The following STEAP3 variants were observed in gnomAD, a reference collection of about 807,000 sequenced individuals.
STEAP3 encodes metalloreductase STEAP3.
STEAP3 carries 35 observed loss-of-function variants against 34.9 expected under a neutral mutation model. That is an observed-to-expected ratio of 1.00 (90% confidence interval 0.76 to 1.33). STEAP3 has a LOEUF of 1.33. Ranked by LOEUF, STEAP3 falls within the 40% of genes most tolerant of loss-of-function variation. The probability of loss-of-function intolerance (pLI) is 0.00; values close to 1 mark genes in which losing one functional copy is unlikely to be tolerated. For missense variants in STEAP3, 652 were observed against 667.6 expected, an observed-to-expected ratio of 0.98 and a Z score of 0.26; for synonymous variants, 281 against 301.6, an observed-to-expected ratio of 0.93 and a Z score of 0.71.
intron 5 of STEAP3, 83 bp downstream of exon 5, chr2:119,254,931 T>C (rs1677734420): frequency 1.3e-6 from 2 of 1,504,246 alleles, no homozygotes; most frequent in African/African-American, 2.8e-5. Flanking sequence ...CTTTGAGAAC[T>C]GCCTGGGCTC....
chr2:119,235,164 G>A (rs902965535), intron 2 of STEAP3, among the ~76,000 whole-genome samples: 2 of 152,188 alleles, frequency 1.3e-5, no homozygotes, highest in African/African-American at 4.8e-5. Flanking sequence ...CCCACATGTA[G>A]CCAGGGAGTG....
intron 2 of STEAP3, among the ~76,000 whole-genome samples, chr2:119,231,550 A>C (rs1309270269): frequency 1.3e-5 from 2 of 152,162 alleles, no homozygotes; most frequent in Non-Finnish European, 2.9e-5. Flanking sequence ...AGCTGTTTGT[A>C]AAAAGCTCTC....
Position 119,229,764 on chromosome 2 carries a change from A to G in STEAP3, c.-393-856A>G, listed in dbSNP as rs569656667. ...GGAAGGGGGATTGGGATGGGCCAGGAGGTTGTCAAGATTGGAGATGGAAAG... is the reference window on the plus strand; with the variant it reads ...GGAAGGGGGATTGGGATGGGCCAGGGGGTTGTCAAGATTGGAGATGGAAAG... On this transcript the variant is annotated intron_variant, in intron 1 of 5. Coordinates refer to ENST00000393110, the MANE Select transcript of STEAP3 (RefSeq NM_182915.3). 6.7e-5 allele frequency among the ~76,000 whole-genome samples: 10 copies of G among 150,222 alleles called. No individual in the cohort carries two copies. The East Asian group carries it at 1.6e-3, about 24-fold the overall frequency.
At chr2:119,256,887 G>C (rs1383413488) in intron 5 of STEAP3, among the ~76,000 whole-genome samples, 1 of 152,142 alleles carries the variant, frequency 6.6e-6, no homozygotes, top group Non-Finnish European at 1.5e-5. Context: ...GCCTTACAGG[G>C]ATTTTATGAG....
chr2:119,225,815 T>G (rs1679022419), intron 1 of STEAP3, among the ~76,000 whole-genome samples: 1 of 152,244 alleles, frequency 6.6e-6, no homozygotes, highest in Non-Finnish European at 1.5e-5. Context: ...TCTCTGAACC[T>G]CTGTTTATTT....
At chr2:119,254,947 A>G (rs1270712181) in intron 5 of STEAP3, 99 bp downstream of exon 5, 18 of 1,436,704 alleles carry the variant, frequency 1.3e-5, no homozygotes, top group Non-Finnish European at 1.4e-5. Flanking sequence ...GGCTCTGATC[A>G]TCTGCACAGC....
chr2:119,254,981 G>T, intron 5 of STEAP3, 133 bp downstream of exon 5: 1 of 1,189,756 alleles, frequency 8.4e-7, no homozygotes, highest in Non-Finnish European at 1.2e-6. Context: ...GAGATGCCAG[G>T]CCTTCCTGAC....
rs550684478 is a variant in STEAP3 at position 119,230,778 on chromosome 2, T to C, written c.-235T>C. ...AGAGCTGCGCTCTCTCAGTGCACTC[T>C]CCAACCAAGCATCAGTCACCACTCC... On this transcript the variant is annotated 5_prime_UTR_variant, in exon 2 of 6. Transcript: ENST00000393110. 1.8e-5 allele frequency: 11 copies of C among 612,806 alleles called. No individual in the cohort carries two copies. The African/African-American group carries it at 2.0e-4, about 11-fold the overall frequency. The allele number at this position is 612,806 out of a possible 1,614,324, so 38.0% of individuals were successfully genotyped here. A position where few individuals can be genotyped will look rare whatever the true frequency, so the allele number is the denominator to read the frequency against.
At position 119,237,819 on chromosome 2, in the gene STEAP3, GAGGATCACTCCC is replaced by G. The variant is rs58884392; in HGVS notation, c.22+6786_22+6797del. ...ATGGTGAGTTGCATGGTGTACCCGT[GAGGATCACTCCC>G]CATTTTCTCCAAATCCCCCATTCTG... On this transcript the variant is annotated intron_variant, in intron 2 of 5. Coordinates refer to ENST00000393110, the MANE Select transcript of STEAP3 (RefSeq NM_182915.3). 7.6e-3 allele frequency among the ~76,000 whole-genome samples: 1,159 copies of G among 152,284 alleles called. 14 individuals carry two copies. Among genetic ancestry groups the G allele is most frequent in the African/African-American group, 0.026 (1,092 of 41,548 alleles).
chr2:119,243,058 G>A (rs1677297712), intron 2 of STEAP3, among the ~76,000 whole-genome samples: 1 of 152,200 alleles, frequency 6.6e-6, no homozygotes, highest in African/African-American at 2.4e-5. Context: ...GCGGGTGCCT[G>A]CATGTCTGTG....
At chr2:119,229,030 T>C (rs763681560) in intron 1 of STEAP3, among the ~76,000 whole-genome samples, 1 of 151,928 alleles carries the variant, frequency 6.6e-6, no homozygotes, top group Non-Finnish European at 1.5e-5. Flanking sequence ...GACAGGAAAA[T>C]AGAGTCCTAT....
At position 119,247,940 on chromosome 2, in the gene STEAP3, G is replaced by A. The variant is rs185406347; in HGVS notation, c.784G>A (p.Val262Met). ...ESQNKFFKLP[V>M]SVVNTTLPCV... ...CCAGAACAAGTTCTTCAAGCTGCCC[G>A]TGTCCGTGGTCAACACCACACTGCC... The change falls in exon 4 of 6, where the codon GTG becomes ATG. Residue 262 changes from valine (V) to methionine (M), a missense_variant. Coordinates refer to ENST00000393110, the MANE Select transcript of STEAP3 (RefSeq NM_182915.3). The A allele has an allele frequency of 8.4e-5, 136 of 1,613,598 alleles. No homozygotes were observed. The highest frequency in any genetic ancestry group is 1.5e-4 in the Admixed American group (9 of 60,022).
rs1265999166 is a variant in STEAP3 at position 119,263,634 on chromosome 2, TAAGAG to T, written c.*302_*306del. 2 of 485,156 alleles carry T rather than the reference TAAGAG, an allele frequency of 4.1e-6. No individual in the cohort carries two copies. The highest frequency in any genetic ancestry group is 7.5e-6 in the Non-Finnish European group (2 of 266,352). 30.1% of individuals were successfully genotyped at this position (485,156 alleles called of 1,614,324 possible). A position where few individuals can be genotyped will look rare whatever the true frequency, so the allele number is the denominator to read the frequency against. On this transcript the variant is annotated 3_prime_UTR_variant, in exon 6 of 6. Transcript: ENST00000393110. ...AGATTTAAAAACAAGTGCCGTACGT[TAAGAG>T]AAGAGCAGATCATGCTATTGTGACA...
At chr2:119,225,451 G>A (rs1679008383) in intron 1 of STEAP3, among the ~76,000 whole-genome samples, 1 of 152,218 alleles carries the variant, frequency 6.6e-6, no homozygotes, top group Non-Finnish European at 1.5e-5. Flanking sequence ...CCACCTGGGG[G>A]TTGAACAGCC....
Position 119,263,465 on chromosome 2 carries a change from C to T in STEAP3, c.*127C>T. The T allele has an allele frequency of 1.6e-6, 2 of 1,259,708 alleles. No homozygotes were observed. Among genetic ancestry groups the T allele is most frequent in the Non-Finnish European group, 1.1e-6 (1 of 894,564 alleles). 78.0% of individuals were successfully genotyped at this position (1,259,708 alleles called of 1,614,324 possible). A position where few individuals can be genotyped will look rare whatever the true frequency, so the allele number is the denominator to read the frequency against. ...AAATAGGAGGTTTGAGGTCCAAATT[C>T]CTGGGACTCAAATGTATGCAGTACT... On this transcript the variant is annotated 3_prime_UTR_variant, in exon 6 of 6. Coordinates refer to ENST00000393110, the MANE Select transcript of STEAP3 (RefSeq NM_182915.3).
intron 2 of STEAP3, chr2:119,245,148 A>G (rs1255417601): frequency 3.5e-6 from 1 of 285,722 alleles, no homozygotes. Flanking sequence ...ATCCTTTTGA[A>G]AAGAAGTATG....
At chr2:119,248,248 A>C (rs1441653090) in intron 4 of STEAP3, 42 bp downstream of exon 4, 1 of 1,516,810 alleles carries the variant, frequency 6.6e-7, no homozygotes, top group South Asian at 1.3e-5. Flanking sequence ...AACTCAGCAC[A>C]TGCTTGTCCA....
intron 1 of STEAP3, among the ~76,000 whole-genome samples, chr2:119,224,594 G>A (rs1341152872): frequency 1.3e-5 from 2 of 152,234 alleles, no homozygotes; most frequent in Admixed American, 1.3e-4. Flanking sequence ...CAGATAATAT[G>A]CGGTTTGGGG....
chr2:119,247,419 G>T (rs1411559860), intron 3 of STEAP3, among the ~76,000 whole-genome samples: 1 of 152,238 alleles, frequency 6.6e-6, no homozygotes, highest in Non-Finnish European at 1.5e-5. Context: ...TGGGCAAGAT[G>T]CTTACTGTTT....
Sources: gnomAD v4.1 joint callset for allele counts (sites outside exome capture counted in the v4.1 genomes callset) on GRCh38, gnomAD v4.1.1 for gene constraint, MANE v1.5 for transcripts, NCBI Gene and HGNC (gene_info 2026-07-23, HGNC 2026-07-21) for gene names.